Variants in CLIC5 observed in about 807,000 individuals in gnomAD.
The protein encoded by CLIC5 is CLIC family member 5.
Under a neutral mutation model 24.7 loss-of-function variants are expected in CLIC5, and 20 were observed. The ratio of observed to expected loss-of-function variants is 0.81; its 90% CI spans 0.57 to 1.18. CLIC5 has a LOEUF of 1.18. CLIC5 is among the 50% of genes most tolerant of loss of function. The pLI, the probability that CLIC5 is intolerant of heterozygous loss-of-function variation, is 0.00. For synonymous variants in CLIC5, 159 were observed against 135.6 expected (o/e 1.17, Z -1.20); for missense variants, 341 against 326.1 (o/e 1.05, Z -0.35).
At position 45,881,374 on chromosome 6, in the gene CLIC5, A is replaced by G. The variant is rs79817279; in HGVS notation, c.624-186T>C. Among the ~76,000 whole-genome samples the G allele has an allele frequency of 2.0e-3, 311 of 152,272 alleles. 2 individuals carry two copies. Among genetic ancestry groups the G allele is most frequent in the Non-Finnish European group, 2.5e-3 (171 of 68,018 alleles). On this transcript the variant is annotated intron_variant, in intron 6 of 6. Transcript: ENST00000644324. Reference sequence around the variant, plus strand: ...ACTAATGGAGAGGCTTAACTGACAGAAAATGGGCTTTTCTCCCTGGCTGCC... The same window carrying G: ...ACTAATGGAGAGGCTTAACTGACAGGAAATGGGCTTTTCTCCCTGGCTGCC...
intron 1 of CLIC5, among the ~76,000 whole-genome samples, chr6:46,061,489 C>T (rs1762282847): frequency 6.6e-6 from 1 of 152,208 alleles, no homozygotes; most frequent in South Asian, 2.1e-4. Context: ...CCACGCCCAG[C>T]CAACAAGTTG....
chr6:46,088,957 T>C, the CLIC5 span, among the ~76,000 whole-genome samples: 1 of 152,254 alleles, frequency 6.6e-6, no homozygotes, highest in African/African-American at 2.4e-5. Context: ...GGGTAATTAA[T>C]GCTTGCAGCA....
chr6:45,994,771 T>G (rs139130656), intron 1 of CLIC5, among the ~76,000 whole-genome samples: 35 of 152,246 alleles, frequency 2.3e-4, no homozygotes, highest in Middle Eastern at 3.4e-3. Context: ...TGCCTACACC[T>G]TTGACCTCCC....
the CLIC5 span, chr6:46,129,681 T>G: frequency 1.3e-5 from 2 of 152,264 alleles, no homozygotes; most frequent in South Asian, 4.2e-4. Context: ...CAGGTGCACA[T>G]TAACTAAGTG....
At chr6:45,999,522 A>G (rs1319021675) in intron 1 of CLIC5, among the ~76,000 whole-genome samples, 1 of 152,012 alleles carries the variant, frequency 6.6e-6, no homozygotes, top group African/African-American at 2.4e-5. Context: ...ACCCTTGCAA[A>G]ACACAAGTTT....
At chr6:45,896,448 C>T (rs1485299345), downstream of CLIC5, among the ~76,000 whole-genome samples, 1 of 152,204 alleles carries the variant, frequency 6.6e-6, no homozygotes, top group Non-Finnish European at 1.5e-5. Flanking sequence ...CTCAAGGGCA[C>T]ATGGTAATTT....
chr6:46,106,922 T>C, the CLIC5 span, among the ~76,000 whole-genome samples: 1 of 152,244 alleles, frequency 6.6e-6, no homozygotes, highest in South Asian at 2.1e-4. Context: ...TGAGTTTTAA[T>C]GGTCTCATGA....
At chr6:46,030,344 G>A (rs1767462963) in intron 1 of CLIC5, among the ~76,000 whole-genome samples, 1 of 152,094 alleles carries the variant, frequency 6.6e-6, no homozygotes, top group African/African-American at 2.4e-5. Flanking sequence ...TCTACTCTGA[G>A]ATCTCTCTAC....
At chr6:45,928,950 A>G (rs1355401105) in intron 4 of CLIC5, among the ~76,000 whole-genome samples, 3 of 152,224 alleles carry the variant, frequency 2.0e-5, no homozygotes, top group African/African-American at 7.2e-5. Flanking sequence ...TTTATTCCCC[A>G]GGTCTTGATC....
At chr6:45,961,261 G>A (rs1442575820) in intron 1 of CLIC5, among the ~76,000 whole-genome samples, 2 of 152,158 alleles carry the variant, frequency 1.3e-5, no homozygotes, top group African/African-American at 4.8e-5. Flanking sequence ...GGACTCAAGT[G>A]ATTAAATAAT....
chr6:45,936,403 T>C (rs142999063), intron 4 of CLIC5, among the ~76,000 whole-genome samples: 3,210 of 151,888 alleles, frequency 0.021, 123 homozygotes, highest in African/African-American at 0.074. Context: ...TGGGGTTTTG[T>C]CATGTTGGTC....
chr6:46,005,174 C>G (rs1459922740), intron 1 of CLIC5, among the ~76,000 whole-genome samples: 1 of 152,204 alleles, frequency 6.6e-6, no homozygotes, highest in East Asian at 1.9e-4. Context: ...GGTGTTACTT[C>G]GTCTCTATTC....
At chr6:46,049,220 C>T (rs1768038094) in intron 1 of CLIC5, among the ~76,000 whole-genome samples, 1 of 152,164 alleles carries the variant, frequency 6.6e-6, no homozygotes, top group African/African-American at 2.4e-5. Context: ...CTTTGGGATT[C>T]TTTCCCTATC....
chr6:45,970,455 C>T (rs1765163629), intron 1 of CLIC5, among the ~76,000 whole-genome samples: 1 of 152,110 alleles, frequency 6.6e-6, no homozygotes, highest in African/African-American at 2.4e-5. Flanking sequence ...CTTTTGTAAT[C>T]CCCAGGCCAA....
chr6:45,912,727 G>A lies in CLIC5; in HGVS notation c.588+1501C>T, dbSNP rs1022658570. ...AGCTGGAATTATATCATCCCTTTCA[G>A]TGGTACTTGTTCCTAAGGAGAAGAA... On this transcript the variant is annotated intron_variant, in intron 5 of 5. Transcript: ENST00000339561. The A allele has an allele frequency of 1.3e-4, 201 of 1,534,240 alleles. 1 individual carries two copies. Among genetic ancestry groups the A allele is most frequent in the Non-Finnish European group, 1.7e-4 (195 of 1,145,266 alleles).
chr6:45,935,548 G>A (rs1763899552), intron 4 of CLIC5, among the ~76,000 whole-genome samples: 1 of 152,200 alleles, frequency 6.6e-6, no homozygotes, highest in Admixed American at 6.5e-5. Context: ...CTAAACCCAG[G>A]GCATAACTTC....
the CLIC5 span, among the ~76,000 whole-genome samples, chr6:46,114,847 A>G: frequency 6.6e-6 from 1 of 152,190 alleles, no homozygotes; most frequent in African/African-American, 2.4e-5. Flanking sequence ...AGCAGCTGAA[A>G]GAGGTTGCTG....
At chr6:45,881,111 C>G in exon 7 of CLIC5, 1 of 398,096 alleles carries the variant, frequency 2.5e-6, no homozygotes, top group Admixed American at 4.4e-5. Context: ...TTTTTTTCTT[C>G]TTTCTCTAGC....
intron 6 of CLIC5, among the ~76,000 whole-genome samples, chr6:45,892,454 T>A (rs1426844453): frequency 6.6e-6 from 1 of 152,182 alleles, no homozygotes; most frequent in Non-Finnish European, 1.5e-5. Context: ...TTTGACTGGC[T>A]TTTTGGGCTC....
Sources: gnomAD v4.1 joint callset for allele counts (sites outside exome capture counted in the v4.1 genomes callset) on GRCh38, gnomAD v4.1.1 for gene constraint, MANE v1.5 for transcripts, NCBI Gene and HGNC (gene_info 2026-07-23, HGNC 2026-07-21) for gene names.